Variants in TRAPPC9 observed in about 807,000 individuals in gnomAD.
The protein encoded by TRAPPC9 is IKK2 binding protein.
Under a neutral mutation model 124.0 loss-of-function variants are expected in TRAPPC9, and 83 were observed. The ratio of observed to expected loss-of-function variants is 0.67; its 90% CI spans 0.56 to 0.80. The LOEUF (loss-of-function observed/expected upper bound fraction) is 0.80. Among genes scored for constraint, TRAPPC9 ranks in the 30% least tolerant of loss-of-function variants. The pLI is 0.00. For missense variants in TRAPPC9, 1,302 were observed against 1,508.3 expected (o/e 0.86, Z 2.27); for synonymous variants, 638 against 617.5 (o/e 1.03, Z -0.49).
At chr8:140,207,117 C>T (rs1348497289) in intron 17 of TRAPPC9, among the ~76,000 whole-genome samples, 2 of 152,192 alleles carry the variant, frequency 1.3e-5, no homozygotes, top group African/African-American at 4.8e-5. Flanking sequence ...GCATTCCCTG[C>T]AGTTGGGTTC....
intron 9 of TRAPPC9, among the ~76,000 whole-genome samples, chr8:140,354,959 A>G (rs890178324): frequency 6.6e-6 from 1 of 152,238 alleles, no homozygotes; most frequent in African/African-American, 2.4e-5. Flanking sequence ...AATTAACCAA[A>G]TATCATTATA....
intron 19 of TRAPPC9, among the ~76,000 whole-genome samples, chr8:139,939,361 G>A (rs1168283882): frequency 2.0e-5 from 3 of 152,212 alleles, no homozygotes; most frequent in Admixed American, 6.5e-5. Flanking sequence ...GCCAGCACCT[G>A]AGAGGGGGCC....
rs373350495 is a variant in TRAPPC9, at chr8:140,405,480, ATAAT to A, written c.1008+93_1008+96del. On this transcript the variant is annotated intron_variant, in intron 6 of 22. Coordinates refer to ENST00000438773, the MANE Select transcript of TRAPPC9 (RefSeq NM_001160372.4). ...AAGACATGAATACTTACAGAAATAA[ATAAT>A]TAAGAGACACTGCAGCATTACACAA... 9.0e-5 allele frequency: 120 copies of A among 1,329,650 alleles called. 1 individual carries two copies. The African/African-American group carries it at 1.3e-3, about 15-fold the overall frequency. 82.4% of individuals were successfully genotyped at this position (1,329,650 alleles called of 1,614,324 possible).
chr8:140,218,915 G>A (rs1253043540), intron 17 of TRAPPC9, among the ~76,000 whole-genome samples: 3 of 151,836 alleles, frequency 2.0e-5, no homozygotes, highest in African/African-American at 4.8e-5. Flanking sequence ...AGCCGAGATC[G>A]CACCACTGCA....
chr8:140,080,077 C>T (rs1843730012), intron 17 of TRAPPC9, among the ~76,000 whole-genome samples: 1 of 152,122 alleles, frequency 6.6e-6, no homozygotes. Context: ...TGGAATTAAC[C>T]CTGTTTCATC....
At position 140,406,174 on chromosome 8, in the gene TRAPPC9, A is replaced by G. The variant is rs1588295970; in HGVS notation, c.887-476T>C. 1.5e-4 allele frequency among the ~76,000 whole-genome samples: 23 copies of G among 152,046 alleles called. 1 individual carries two copies. The highest frequency in any genetic ancestry group is 1.5e-3 in the Admixed American group (23 of 15,254). ...CTATGCCTTTTTCTATTTCTGACCA[A>G]CTCCTATCAATAAGCAGAAGCATCT... On this transcript the variant is annotated intron_variant, in intron 5 of 22. Transcript: ENST00000438773.
intron 6 of TRAPPC9, among the ~76,000 whole-genome samples, chr8:140,404,909 C>CGTGCGTGTGTGTGTGT (rs1554681675): frequency 8.3e-6 from 1 of 119,964 alleles, no homozygotes; most frequent in Non-Finnish European, 1.9e-5. Context: ...TGTGAGCATG[C>CGTGCGTGTGTGTGTGT]GTGTGTGTGT....
intron 16 of TRAPPC9, among the ~76,000 whole-genome samples, chr8:140,246,722 C>A (rs944435542): frequency 3.3e-5 from 5 of 150,858 alleles, no homozygotes; most frequent in Admixed American, 3.3e-4. Context: ...GTGGCTCACA[C>A]TTGTAATCGC....
chr8:139,811,237 A>G (rs1348902567), intron 21 of TRAPPC9, among the ~76,000 whole-genome samples: 1 of 152,206 alleles, frequency 6.6e-6, no homozygotes, highest in African/African-American at 2.4e-5. Flanking sequence ...CAGAGATTGG[A>G]TATGAAATTG....
At chr8:140,124,141 T>C (rs917249530) in intron 17 of TRAPPC9, among the ~76,000 whole-genome samples, 1 of 152,212 alleles carries the variant, frequency 6.6e-6, no homozygotes, top group Non-Finnish European at 1.5e-5. Flanking sequence ...TTATGACAAA[T>C]GATCACATAT....
At chr8:139,885,509 T>G (rs1829946139) in intron 21 of TRAPPC9, among the ~76,000 whole-genome samples, 1 of 152,158 alleles carries the variant, frequency 6.6e-6, no homozygotes, top group South Asian at 2.1e-4. Context: ...TGGAAACAGT[T>G]GCAGAGCACA....
At chr8:140,210,121 C>G (rs2063022062) in intron 17 of TRAPPC9, among the ~76,000 whole-genome samples, 2 of 152,240 alleles carry the variant, frequency 1.3e-5, no homozygotes, top group African/African-American at 4.8e-5. Context: ...CTGGCCTCGG[C>G]CTGTTCGGCT....
intron 19 of TRAPPC9, among the ~76,000 whole-genome samples, chr8:139,959,281 C>T (rs1043115579): frequency 2.0e-5 from 3 of 152,230 alleles, no homozygotes; most frequent in African/African-American, 7.2e-5. Context: ...GATGCCAACA[C>T]CAACAGAGGG....
chr8:140,272,359 G>GGTGGTTGTGGTGTA (rs148729172), intron 15 of TRAPPC9, among the ~76,000 whole-genome samples: 15,740 of 131,324 alleles, frequency 0.12, 928 homozygotes, highest in African/African-American at 0.15. Flanking sequence ...TGGAGAGAGT[G>GGTGGTTGTGGTGTA]GTGGTAGTGA....
chr8:139,796,526 C>T (rs964518139), intron 21 of TRAPPC9, among the ~76,000 whole-genome samples: 1 of 152,230 alleles, frequency 6.6e-6, no homozygotes, highest in South Asian at 2.1e-4. Context: ...CTGTGCCTGG[C>T]GTTTTTCACT....
intron 21 of TRAPPC9, among the ~76,000 whole-genome samples, chr8:139,756,068 G>T (rs1819743153): frequency 1.7e-5 from 2 of 115,406 alleles, no homozygotes; most frequent in African/African-American, 4.1e-5. Flanking sequence ...CAGGTCGCAG[G>T]AGGAGCCAGG....
intron 18 of TRAPPC9, among the ~76,000 whole-genome samples, chr8:140,018,241 T>C (rs191244155): frequency 6.6e-5 from 10 of 152,332 alleles, no homozygotes; most frequent in Admixed American, 5.9e-4. Flanking sequence ...CCTAAGTGTT[T>C]TATTATTTTG....
intron 5 of TRAPPC9, among the ~76,000 whole-genome samples, chr8:140,409,084 G>A (rs770104657): frequency 7.3e-5 from 11 of 151,442 alleles, no homozygotes; most frequent in Non-Finnish European, 1.3e-4. Flanking sequence ...TATCACAAAC[G>A]GCTAATTCCA....
At position 140,252,545 on chromosome 8, in the gene TRAPPC9, C is replaced by A; in HGVS notation, c.2431+232G>T. The A allele has an allele frequency of 3.9e-6, 2 of 508,366 alleles. No homozygotes were observed. The highest frequency in any genetic ancestry group is 2.3e-5 in the South Asian group (1 of 42,766). 31.5% of individuals were successfully genotyped at this position (508,366 alleles called of 1,614,324 possible). ...AGAATGACCTGCTGGTAAATGAGTA[C>A]AAAATAATAAAGAGTGAGAATTAAA... On this transcript the variant is annotated intron_variant, in intron 16 of 22. Coordinates refer to ENST00000438773, the MANE Select transcript of TRAPPC9 (RefSeq NM_001160372.4). The surrounding 1 kb of genome is among the most constrained non-coding windows in gnomAD (Gnocchi z 4.2).
Sources: allele counts gnomAD v4.1 joint callset (sites outside exome capture counted in the v4.1 genomes callset), GRCh38; gene constraint gnomAD v4.1.1; non-coding constraint Gnocchi (gnomAD v3.1); transcripts MANE v1.5; gene names NCBI Gene and HGNC (gene_info 2026-07-23, HGNC 2026-07-21).